The following MUC12 variants were observed in gnomAD, a reference collection of about 807,000 sequenced individuals.
MUC12 encodes mucin-12.
In MUC12, 172 loss-of-function variants were observed where a neutral mutation model predicts 230.8. The observed-to-expected ratio is 0.75, with a 90% CI of 0.66 to 0.85. The LOEUF is 0.85. Among genes scored for constraint, MUC12 ranks in the 40% least tolerant of loss-of-function variants. The pLI, the probability that MUC12 is intolerant of heterozygous loss-of-function variation, is 0.00. For synonymous variants in MUC12, 1,259 were observed against 2,401.9 expected (o/e 0.52, Z 13.91); for missense variants, 3,506 against 5,920.6 (o/e 0.59, Z 13.38).
intron 5 of MUC12, among the ~76,000 whole-genome samples, chr7:101,011,825 A>G (rs1384083655): frequency 6.6e-6 from 1 of 152,228 alleles, no homozygotes. Flanking sequence ...CCTTTTGGCT[A>G]TGGTAAATAA....
At position 100,991,886 on chromosome 7, in the gene MUC12, C is replaced by T. The variant is rs1180912281; in HGVS notation, c.1323C>T (p.His441=). ...SGRSEESKAS[H]SSPDAMATTV... ...GTAGTGAGGAATCAAAAGCATCCCA[C>T]AGCAGCCCAGATGCAATGGCAACAA... The change falls in exon 2 of 12, where the codon CAC becomes CAT. Residue 441 remains histidine (H), a synonymous_variant. Coordinates refer to ENST00000536621, the MANE Select transcript of MUC12 (RefSeq NM_001164462.2). The T allele has an allele frequency of 2.0e-6, 3 of 1,537,892 alleles. No individual in the cohort carries two copies. In the East Asian group the frequency reaches 7.3e-5, roughly 38 times the overall value.
At chr7:100,975,949 A>T (rs926006728) in intron 1 of MUC12, among the ~76,000 whole-genome samples, 5 of 152,300 alleles carry the variant, frequency 3.3e-5, no homozygotes, top group African/African-American at 1.2e-4. Flanking sequence ...CCCACACCAC[A>T]GTTGGAGAAG....
chr7:101,012,969 C>T lies in MUC12; in HGVS notation c.15476-11C>T. 1 of 1,537,300 alleles carries T rather than the reference C, an allele frequency of 6.5e-7. No individual in the cohort carries two copies. The highest frequency in any genetic ancestry group is 8.7e-7 in the Non-Finnish European group (1 of 1,146,928). ...CCAGGCTCATGCATGCTGCCCGCCC[C>T]TCTCCCTCAGAGCAATGCACCCAGA... On this transcript the variant is annotated splice_polypyrimidine_tract_variant and intron_variant, in intron 7 of 11. Transcript: ENST00000536621.
At chr7:101,015,566 C>G in intron 9 of MUC12, 49 bp from the exon 10 acceptor site, 1 of 1,499,216 alleles carries the variant, frequency 6.7e-7, no homozygotes, top group South Asian at 1.2e-5. Flanking sequence ...CCACCAAGTC[C>G]CTCCTCAGCC....
At chr7:101,009,253 A>G in intron 5 of MUC12, 94 bp downstream of exon 5, 2 of 1,312,280 alleles carry the variant, frequency 1.5e-6, no homozygotes, top group Non-Finnish European at 2.1e-6. Context: ...TAGAATATCA[A>G]TACTGGTTGG....
rs1207794468 is a variant in MUC12 at position 100,991,573 on chromosome 7, C to A, written c.1010C>A (p.Pro337Gln). 3 of 1,537,074 alleles carry A rather than the reference C, an allele frequency of 2.0e-6. No homozygotes were observed. The highest frequency in any genetic ancestry group is 1.4e-5 in the African/African-American group (1 of 73,022). ...GAATCGACACCAGTCCACAGCAGCCCAGTTGCAACTGCAACAACACCCCCA... is the reference window on the plus strand; with the variant it reads ...GAATCGACACCAGTCCACAGCAGCCAAGTTGCAACTGCAACAACACCCCCA... ...SEESTPVHSS[P>Q]VATATTPPPA... Residue 337 changes from proline (P) to glutamine (Q), a missense_variant, in exon 2 of 12, where the codon CCA becomes CAA. Transcript: ENST00000536621.
In MUC12 at chr7:100,972,080, C is replaced by T. The variant is rs548937773; in HGVS notation, c.67+2391C>T. On this transcript the variant is annotated intron_variant, in intron 1 of 11. Coordinates refer to ENST00000536621, the MANE Select transcript of MUC12 (RefSeq NM_001164462.2). ...GCCACTCCGGAGGGCTCCGGAAGAT[C>T]TGATTAGATCCAGAGACCCCCTGCC... 3.6e-5 allele frequency: 25 copies of T among 703,026 alleles called. No homozygotes were observed. The South Asian group carries it at 3.7e-4, about 10-fold the overall frequency. The allele number at this position is 703,026 out of a possible 1,614,324, so 43.5% of individuals were successfully genotyped here.
Position 100,991,984 on chromosome 7 carries a change from C to A in MUC12, c.1421C>A (p.Ser474Ter). 6.5e-7 allele frequency: 1 copy of A among 1,537,984 alleles called. No homozygotes were observed. The change falls in exon 2 of 12, where the codon TCA (serine) becomes TAA (stop). Residue 474 changes from serine to a stop codon, truncating the protein, a stop_gained. Transcript: ENST00000536621. LOFTEE classifies it high-confidence loss of function. ...DSTPSPISSGSMETTALPGST... is the reference protein window; with the variant it reads ...DSTPSPISSG ...ACGCCCTCACCCATCAGTTCAGGCT[C>A]AATGGAAACCACAGCGTTACCCGGC...
rs1562794775 is a variant in MUC12 at position 101,013,147 on chromosome 7, G to A, written c.15638+5G>A. ...ACGCAGTGGCCCCCGCTGCCTGTGA[G>A]TGTCCCCATAAGCCCAGCACCCACT... On this transcript the variant is annotated splice_donor_5th_base_variant and intron_variant, in intron 8 of 11. Transcript: ENST00000536621. 2 of 1,537,106 alleles carry A rather than the reference G, an allele frequency of 1.3e-6. No individual in the cohort carries two copies. The highest frequency in any genetic ancestry group is 1.7e-6 in the Non-Finnish European group (2 of 1,146,900).
rs964305509 is a variant in MUC12 at position 100,993,052 on chromosome 7, C to A, written c.2489C>A (p.Pro830His). ...SERSTTFHSS[P>H]RSPATTLSPA... ...AGATCTACCACTTTCCATAGTAGCC[C>A]CAGATCACCAGCCACAACACTCTCA... The change falls in exon 2 of 12, where the codon CCC (proline) becomes CAC (histidine). Residue 830 changes from proline (P) to histidine (H), a missense_variant. Transcript: ENST00000536621. The A allele has an allele frequency of 8.5e-6, 13 of 1,535,892 alleles. No homozygotes were observed. Among genetic ancestry groups the A allele is most frequent in the Non-Finnish European group, 1.1e-5 (13 of 1,146,986 alleles).
intron 5 of MUC12, among the ~76,000 whole-genome samples, chr7:101,010,045 T>C (rs150124045): frequency 1.3e-5 from 2 of 152,076 alleles, no homozygotes; most frequent in Non-Finnish European, 2.9e-5. Context: ...CTACACCAGA[T>C]AGGTGACAGT....
intron 8 of MUC12, among the ~76,000 whole-genome samples, chr7:101,013,562 G>T (rs546116372): frequency 6.6e-6 from 1 of 152,160 alleles, no homozygotes; most frequent in Non-Finnish European, 1.5e-5. Flanking sequence ...TAAGTCCACA[G>T]ACCATAAATT....
Position 100,980,029 on chromosome 7 carries a change from CTT to C in MUC12, c.67+10351_67+10352del, listed in dbSNP as rs780047483. On this transcript the variant is annotated intron_variant, in intron 1 of 11. Transcript: ENST00000536621. ...GCACATTGAGAACTCGCCTCTCTCT[CTT>C]TTTTTTTTTTCGTTGTTGTTGTTTT... 3.5e-5 allele frequency among the ~76,000 whole-genome samples: 5 copies of C among 142,908 alleles called. No individual in the cohort carries two copies. The East Asian group carries it at 8.2e-4, about 23-fold the overall frequency. 93.8% of individuals were successfully genotyped at this position (142,908 alleles called of 152,430 possible).
chr7:101,007,732 T>C (rs1041772918), intron 3 of MUC12, among the ~76,000 whole-genome samples: 2 of 152,228 alleles, frequency 1.3e-5, no homozygotes, highest in African/African-American at 4.8e-5. Context: ...CTCTTCAATG[T>C]ACTGATTTCC....
In MUC12 at chr7:101,005,395, C is replaced by A; in HGVS notation, c.14832C>A (p.Tyr4944Ter). 2 of 1,537,888 alleles carry A rather than the reference C, an allele frequency of 1.3e-6. No homozygotes were observed. Among genetic ancestry groups the A allele is most frequent in the Non-Finnish European group, 1.7e-6 (2 of 1,147,056 alleles). The change falls in exon 2 of 12, where the codon TAC becomes TAA. Residue 4944 changes from tyrosine (Y) to a stop codon, truncating the protein, a stop_gained. Transcript: ENST00000536621. LOFTEE classifies it high-confidence loss of function. ...TCTACATCAGCCCATCCCCTACTTA[C>A]ACAACACTCTTTCCTGCGAGTTCCA... ...TTFYISPSPT[Y>*]TTLFPASSST...
chr7:101,010,660 A>G (rs750710431), intron 5 of MUC12, among the ~76,000 whole-genome samples: 49 of 152,216 alleles, frequency 3.2e-4, no homozygotes, highest in Non-Finnish European at 5.6e-4. Flanking sequence ...GACTACAGGC[A>G]CATGTCATCA....
rs1793726621 is a variant in MUC12, at chr7:101,005,316, C to T, written c.14753C>T (p.Thr4918Ile). The change falls in exon 2 of 12, where the codon ACA (threonine) becomes ATA (isoleucine). Residue 4918 changes from threonine to isoleucine, a missense_variant. Transcript: ENST00000536621. ...AGCAGCTCAGACGCAACTGGAACAACACCCTTACCTGCCCGCTCCACAGCC... is the reference window on the plus strand; with the variant it reads ...AGCAGCTCAGACGCAACTGGAACAATACCCTTACCTGCCCGCTCCACAGCC... ...FHSSSDATGTTPLPARSTASD... is the reference protein window; with the variant it reads ...FHSSSDATGTIPLPARSTASD... 2 of 1,537,824 alleles carry T rather than the reference C, an allele frequency of 1.3e-6. No homozygotes were observed. The highest frequency in any genetic ancestry group is 1.4e-5 in the African/African-American group (1 of 73,046).
intron 1 of MUC12, among the ~76,000 whole-genome samples, chr7:100,984,162 G>A (rs932546565): frequency 6.6e-5 from 10 of 152,128 alleles, no homozygotes; most frequent in Admixed American, 2.0e-4. Flanking sequence ...AAAGCAAGCA[G>A]CAAAAGTTTG....
At chr7:101,017,217 G>T in intron 10 of MUC12, 1 of 205,898 alleles carries the variant, frequency 4.9e-6, no homozygotes, top group Admixed American at 5.7e-5. Flanking sequence ...GGTTACCGTT[G>T]CTATGAAGGA....
Sources: allele counts gnomAD v4.1 joint callset (sites outside exome capture counted in the v4.1 genomes callset), GRCh38; gene constraint gnomAD v4.1.1; transcripts MANE v1.5; gene names NCBI Gene and HGNC (gene_info 2026-07-23, HGNC 2026-07-21).